The following SRRT variants were observed in gnomAD, a reference collection of about 807,000 sequenced individuals.
SRRT encodes serrate RNA effector molecule homolog.
SRRT carries 32 observed loss-of-function variants against 103.2 expected under a neutral mutation model. The ratio of observed to expected loss-of-function variants is 0.31; its 90% CI spans 0.23 to 0.42. The LOEUF is 0.42. Among genes scored for constraint, SRRT ranks in the 10% least tolerant of loss-of-function variants. The pLI, the probability that SRRT is intolerant of heterozygous loss-of-function variation, is 1.00. For missense variants in SRRT, 986 were observed against 1,207.5 expected, an observed-to-expected ratio of 0.82 and a Z score of 2.72; for synonymous variants, 525 against 449.0, an observed-to-expected ratio of 1.17 and a Z score of -2.14.
rs200417304 is a variant in SRRT at position 100,887,269 on chromosome 7, C to G, written c.1976-51C>G. 2.5e-6 allele frequency: 4 copies of G among 1,610,178 alleles called. No individual in the cohort carries two copies. The highest frequency in any genetic ancestry group is 3.4e-6 in the Non-Finnish European group (4 of 1,177,228). ...GGTCCTCCAGCCCCTTGCCACCATC[C>G]TTCCTTCTGGCTCCCTTGCCAACCT... On this transcript the variant is annotated intron_variant, in intron 15 of 19. Coordinates refer to ENST00000611405, the MANE Select transcript of SRRT (RefSeq NM_015908.6). This position sits in a 1 kb window ranked among gnomAD's most constrained non-coding sequence, Gnocchi z 4.1.
At chr7:100,879,532 C>T (rs961656160) in intron 2 of SRRT, among the ~76,000 whole-genome samples, 1 of 152,112 alleles carries the variant, frequency 6.6e-6, no homozygotes, top group South Asian at 2.1e-4. Flanking sequence ...CAAAATTTTT[C>T]TGGAAAACGA....
chr7:100,880,984 G>T (rs1343566503), intron 2 of SRRT, among the ~76,000 whole-genome samples: 1 of 152,210 alleles, frequency 6.6e-6, no homozygotes, highest in Admixed American at 6.5e-5. Context: ...ATCTTTTTCT[G>T]TTAGGAGCGA....
chr7:100,876,704 A>G (rs557334731), intron 2 of SRRT, among the ~76,000 whole-genome samples: 1 of 152,300 alleles, frequency 6.6e-6, no homozygotes, highest in South Asian at 2.1e-4. Flanking sequence ...TGAGCTTGGC[A>G]TGGGGGATCA....
chr7:100,886,376 A>G lies in SRRT; in HGVS notation c.1588A>G (p.Thr530Ala), dbSNP rs1158358449. 6.2e-7 allele frequency: 1 copy of G among 1,613,800 alleles called. No homozygotes were observed. Among genetic ancestry groups the G allele is most frequent in the Admixed American group, 1.7e-5 (1 of 60,012 alleles). The change falls in exon 13 of 20, where the codon ACG (threonine) becomes GCG (alanine). Residue 530 changes from threonine to alanine, a missense_variant. This residue lies in a region of SRRT where 349 missense variants were observed against 446.9 expected (regional missense o/e 0.78). Transcript: ENST00000611405. ...DIKLAAKLIH[T>A]LDDRTQLWAS... ...CAAGCTGGCGGCCAAGCTGATCCAC[A>G]CGCTGGATGACAGGACACAGCTTTG...
intron 2 of SRRT, chr7:100,880,770 G>A (rs1311960314): frequency 2.5e-5 from 10 of 395,876 alleles, no homozygotes; most frequent in South Asian, 1.6e-4. Flanking sequence ...CGACCTGCCC[G>A]TAAGTGGGCC....
intron 2 of SRRT, among the ~76,000 whole-genome samples, chr7:100,879,822 AAAAAGAAG>A (rs1473667830): frequency 1.3e-5 from 2 of 151,720 alleles, no homozygotes; most frequent in African/African-American, 4.8e-5. Flanking sequence ...AAAAAAAAAA[AAAAAGAAG>A]AAGAAGAAGA....
chr7:100,882,324 C>A lies in SRRT; in HGVS notation c.587+83C>A. 1 of 1,479,734 alleles carries A rather than the reference C, an allele frequency of 6.8e-7. No homozygotes were observed. The highest frequency in any genetic ancestry group is 9.2e-7 in the Non-Finnish European group (1 of 1,091,458). 91.7% of individuals were successfully genotyped at this position (1,479,734 alleles called of 1,614,324 possible). ...TGGAGCCACAGCCCTGTCCTCTTCC[C>A]AGTTTTCCCTGTCCAGAACTTTCTG... On this transcript the variant is annotated intron_variant, in intron 5 of 19. Coordinates refer to ENST00000611405, the MANE Select transcript of SRRT (RefSeq NM_015908.6). The surrounding 1 kb of genome is among the most constrained non-coding windows in gnomAD (Gnocchi z 4.2).
In SRRT at chr7:100,885,417, A is replaced by C. The variant is rs762516926; in HGVS notation, c.1317+47A>C. ...CAGGGCAGGGCTGATGGAGAAGTGG[A>C]GGGTAGAGGGAAGGCAGTGGGGCCC... On this transcript the variant is annotated intron_variant, in intron 10 of 19. Coordinates refer to ENST00000611405, the MANE Select transcript of SRRT (RefSeq NM_015908.6). This position sits in a 1 kb window ranked among gnomAD's most constrained non-coding sequence, Gnocchi z 4.8. The C allele has an allele frequency of 1.4e-5, 22 of 1,580,134 alleles. No homozygotes were observed. Among genetic ancestry groups the C allele is most frequent in the Non-Finnish European group, 1.8e-5 (21 of 1,158,368 alleles).
rs910963926 is a variant in SRRT, at chr7:100,875,664, G to A, written c.74G>A (p.Arg25His). The A allele has an allele frequency of 1.2e-6, 2 of 1,614,048 alleles. No individual in the cohort carries two copies. Among genetic ancestry groups the A allele is most frequent in the Admixed American group, 1.7e-5 (1 of 60,014 alleles). ...AGAAGAGAGCGCAGCGACTACGACC[G>A]TTCCCGCGAGAGAGATGAAAGACGT... The part of the protein sequence containing the change: ...KFRRERSDYD[R>H]SRERDERRRG... Residue 25 changes from arginine (R) to histidine (H), a missense_variant, in exon 2 of 20, where the codon CGT becomes CAT. Coordinates refer to ENST00000611405, the MANE Select transcript of SRRT (RefSeq NM_015908.6).
chr7:100,879,696 G>T (rs1325778774), intron 2 of SRRT, among the ~76,000 whole-genome samples: 1 of 151,730 alleles, frequency 6.6e-6, no homozygotes, highest in Non-Finnish European at 1.5e-5. Context: ...ATTTTTAAGA[G>T]TATTAAGGGG....
intron 2 of SRRT, among the ~76,000 whole-genome samples, chr7:100,879,017 T>C (rs535394817): frequency 1.7e-4 from 26 of 152,112 alleles, no homozygotes; most frequent in Non-Finnish European, 2.9e-4. Context: ...TATAGTGGCG[T>C]GATCTGGGCT....
intron 2 of SRRT, chr7:100,880,769 C>T (rs914708313): frequency 2.3e-5 from 9 of 393,674 alleles, no homozygotes; most frequent in African/African-American, 6.3e-5. Flanking sequence ...GCGACCTGCC[C>T]GTAAGTGGGC....
At chr7:100,875,935 G>GT in intron 2 of SRRT, 1 of 513,916 alleles carries the variant, frequency 1.9e-6, no homozygotes, top group Non-Finnish European at 3.5e-6. Flanking sequence ...AAGAGTTTGA[G>GT]TATGAAGAAG....
chr7:100,876,114 C>T (rs555704287), intron 2 of SRRT, among the ~76,000 whole-genome samples: 32 of 152,284 alleles, frequency 2.1e-4, no homozygotes, highest in African/African-American at 7.5e-4. Flanking sequence ...GAAGCTGGGA[C>T]TCCAGGGGGA....
chr7:100,887,960 C>T lies in SRRT; in HGVS notation c.2327-82C>T, dbSNP rs1459494448. The T allele has an allele frequency of 5.3e-5, 82 of 1,536,436 alleles. No homozygotes were observed. The highest frequency in any genetic ancestry group is 6.8e-5 in the Non-Finnish European group (78 of 1,140,138). ...TCACCCCGAGAAGTTTCTGCCCCAT[C>T]CTCAGGCCATAGCCCTAGAAGTCAA... On this transcript the variant is annotated intron_variant, in intron 17 of 19. Coordinates refer to ENST00000611405, the MANE Select transcript of SRRT (RefSeq NM_015908.6). The surrounding 1 kb of genome is among the most constrained non-coding windows in gnomAD (Gnocchi z 4.1).
At chr7:100,883,620 GT>G (rs1789787548) in intron 5 of SRRT, among the ~76,000 whole-genome samples, 1 of 152,232 alleles carries the variant, frequency 6.6e-6, no homozygotes, top group Admixed American at 6.5e-5. Context: ...CCACCTCGGG[GT>G]GGAGGGAGTT....
In SRRT at chr7:100,885,898, G is replaced by T. The variant is rs1356702806; in HGVS notation, c.1415G>T (p.Ser472Ile). ...CGTGGCTGGGTGACCTTCGACCGCA[G>T]TGTTAACATTAAAGAGATCTGTTGG... ...FRRGWVTFDR[S>I]VNIKEICWNL... is the part of the protein sequence containing the mutation. The change falls in exon 12 of 20, where the codon AGT becomes ATT. Residue 472 changes from serine to isoleucine, a missense_variant. By Grantham distance (142) the Ser-to-Ile change is moderately radical. Around this residue, in one of 6 missense-constraint regions of SRRT, gnomAD observed 349 missense variants for 446.9 expected, o/e 0.78. Transcript: ENST00000611405. This position sits in a 1 kb window ranked among gnomAD's most constrained non-coding sequence, Gnocchi z 4.8. The T allele has an allele frequency of 1.2e-6, 2 of 1,614,146 alleles. No individual in the cohort carries two copies. Among genetic ancestry groups the T allele is most frequent in the South Asian group, 1.1e-5 (1 of 91,076 alleles).
Position 100,881,695 on chromosome 7 carries a change from T to C in SRRT, c.288T>C (p.Tyr96=), listed in dbSNP as rs769685744. 6.2e-7 allele frequency: 1 copy of C among 1,613,934 alleles called. No individual in the cohort carries two copies. Among genetic ancestry groups the C allele is most frequent in the East Asian group, 2.2e-5 (1 of 44,836 alleles). The change falls in exon 4 of 20, where the codon TAT becomes TAC. Residue 96 remains tyrosine, a synonymous_variant. Transcript: ENST00000611405. The part of the protein sequence containing the change: ...EHSSDPYHSG[Y]EMPYAGGGGG... ...GCTCTGACCCATACCACAGTGGCTA[T>C]GAGATGCCCTATGCTGGGGGGGGTG...
At chr7:100,883,893 C>T (rs960118679) in intron 5 of SRRT, among the ~76,000 whole-genome samples, 177 bp from the exon 6 acceptor site, 3 of 152,184 alleles carry the variant, frequency 2.0e-5, no homozygotes, top group Non-Finnish European at 4.4e-5. Context: ...CTTCTGGTTC[C>T]TTTTGGGGTG....
Sources: allele counts gnomAD v4.1 joint callset (sites outside exome capture counted in the v4.1 genomes callset), GRCh38; gene constraint gnomAD v4.1.1; regional missense constraint gnomAD v4.1.1; non-coding constraint Gnocchi (gnomAD v3.1); transcripts MANE v1.5; gene names NCBI Gene and HGNC (gene_info 2026-07-23, HGNC 2026-07-21).